Variants in ADARB1 observed in about 807,000 individuals in gnomAD.
The protein encoded by ADARB1 is double-stranded RNA-specific editase 1.
ADARB1 carries 10 observed loss-of-function variants against 52.4 expected under a neutral mutation model. The ratio of observed to expected loss-of-function variants is 0.19; its 90% CI spans 0.12 to 0.32. The LOEUF (loss-of-function observed/expected upper bound fraction) is 0.32. ADARB1 is among the 10% of genes least tolerant of loss of function. The probability of loss-of-function intolerance (pLI) is 1.00; values close to 1 mark genes in which losing one functional copy is unlikely to be tolerated. For synonymous variants in ADARB1, 349 were observed against 371.1 expected (o/e 0.94, Z 0.68); for missense variants, 643 against 922.3 (o/e 0.70, Z 3.92).
At chr21:45,214,691 A>G (rs544492517) in intron 9 of ADARB1, among the ~76,000 whole-genome samples, 1 of 152,176 alleles carries the variant, frequency 6.6e-6, no homozygotes, top group Non-Finnish European at 1.5e-5. Context: ...TGGCATGTAT[A>G]TATACATGTG....
intron 9 of ADARB1, among the ~76,000 whole-genome samples, chr21:45,206,735 A>G (rs1293412233): frequency 6.6e-6 from 1 of 151,796 alleles, no homozygotes; most frequent in Non-Finnish European, 1.5e-5. Context: ...CACCACAGCC[A>G]GCTAATTTTT....
At position 45,223,349 on chromosome 21, in the gene ADARB1, G is replaced by A; in HGVS notation, c.*1152G>A. 5.1e-6 allele frequency: 5 copies of A among 985,534 alleles called. 1 individual carries two copies. Among genetic ancestry groups the A allele is most frequent in the Non-Finnish European group, 6.0e-6 (5 of 829,984 alleles). The allele number at this position is 985,534 out of a possible 1,614,324, so 61.0% of individuals were successfully genotyped here. On this transcript the variant is annotated 3_prime_UTR_variant, in exon 11 of 11. Coordinates refer to ENST00000348831, the MANE Select transcript of ADARB1 (RefSeq NM_001112.4). ...CCAGACATTGACAGTCCTGACGGGA[G>A]CTCAGGGCTGCCCAGCGCCCAGCGT... is the stretch of plus-strand genomic sequence containing the variant.
At chr21:45,075,105 C>T (rs1457384415) in intron 1 of ADARB1, among the ~76,000 whole-genome samples, 48 of 150,846 alleles carry the variant, frequency 3.2e-4, no homozygotes, top group Admixed American at 4.6e-4. Flanking sequence ...GCAGGTGCGC[C>T]GGGACGAGGC....
chr21:45,101,372 C>T (rs2087008178), intron 1 of ADARB1, among the ~76,000 whole-genome samples: 1 of 152,252 alleles, frequency 6.6e-6, no homozygotes, highest in Admixed American at 6.5e-5. Context: ...TGCCCGCTGC[C>T]AGTCGCCGAG....
intron 2 of ADARB1, 134 bp from the exon 3 acceptor site, chr21:45,171,473 TAAC>T: frequency 1.6e-6 from 1 of 624,474 alleles, no homozygotes; most frequent in East Asian, 3.0e-5. Context: ...CTGACTTCTC[TAAC>T]AAGACCTAGT....
chr21:45,169,180 G>A (rs534555175), intron 2 of ADARB1, among the ~76,000 whole-genome samples: 7 of 152,336 alleles, frequency 4.6e-5, no homozygotes, highest in East Asian at 3.9e-4. Flanking sequence ...GCACTGTGGC[G>A]TGGGAAGGGA....
chr21:45,114,599 G>C (rs912666677), intron 1 of ADARB1, among the ~76,000 whole-genome samples: 1 of 152,212 alleles, frequency 6.6e-6, no homozygotes, highest in Non-Finnish European at 1.5e-5. Context: ...TTGCTTAAGA[G>C]CTTATCTGGC....
intron 2 of ADARB1, among the ~76,000 whole-genome samples, chr21:45,170,647 T>G (rs2091443764): frequency 6.6e-6 from 1 of 151,960 alleles, no homozygotes; most frequent in Admixed American, 6.6e-5. Context: ...TTTAGTACAT[T>G]TTAGTCACCA....
intron 3 of ADARB1, among the ~76,000 whole-genome samples, chr21:45,174,397 C>G (rs912231173): frequency 4.6e-5 from 7 of 152,128 alleles, no homozygotes; most frequent in Non-Finnish European, 7.3e-5. Context: ...ACTTTATACT[C>G]CTCTTTTTAA....
At chr21:45,122,170 C>A (rs965660183) in intron 1 of ADARB1, among the ~76,000 whole-genome samples, 19 of 152,184 alleles carry the variant, frequency 1.2e-4, no homozygotes, top group African/African-American at 4.1e-4. Context: ...ATAGTCTTGG[C>A]TTTATGCGAG....
Position 45,172,401 on chromosome 21 carries a change from C to T in ADARB1, c.28+717C>T, listed in dbSNP as rs1327159855. Among the ~76,000 whole-genome samples, 1 of 152,124 alleles carries T rather than the reference C, an allele frequency of 6.6e-6. No individual in the cohort carries two copies. Among genetic ancestry groups the T allele is most frequent in the African/African-American group, 2.4e-5 (1 of 41,412 alleles). ...AACTAATATAAATATCTGTATTTAC[C>T]TTCTTACTTGTCTGAAGGAATAACA... On this transcript the variant is annotated intron_variant, in intron 3 of 10. Coordinates refer to ENST00000348831, the MANE Select transcript of ADARB1 (RefSeq NM_001112.4). The surrounding 1 kb of genome is among the most constrained non-coding windows in gnomAD (Gnocchi z 4.4).
chr21:45,139,330 G>T (rs907046356), intron 2 of ADARB1, among the ~76,000 whole-genome samples: 6 of 152,218 alleles, frequency 3.9e-5, no homozygotes, highest in African/African-American at 1.4e-4. Context: ...GACGATTGCT[G>T]AAAGTCATGC....
chr21:45,080,318 A>G (rs1212814467), intron 1 of ADARB1, among the ~76,000 whole-genome samples: 1 of 152,220 alleles, frequency 6.6e-6, no homozygotes, highest in Non-Finnish European at 1.5e-5. Context: ...ATGATCCAGT[A>G]GAGGGAAACA....
rs2091611005 is a variant in ADARB1 at position 45,174,524 on chromosome 21, GA to G, written c.29-1203del. 1.5e-4 allele frequency among the ~76,000 whole-genome samples: 23 copies of G among 152,248 alleles called. No individual in the cohort carries two copies. The South Asian group carries it at 4.8e-3, about 32-fold the overall frequency. Reference sequence around the variant, plus strand: ...TCCAGACCAGCCTGACCAATGTGATGAAACCCCGTCTCTACTAAAAATACAA... The same window carrying G: ...TCCAGACCAGCCTGACCAATGTGATGAACCCCGTCTCTACTAAAAATACAA... On this transcript the variant is annotated intron_variant, in intron 3 of 10. Coordinates refer to ENST00000348831, the MANE Select transcript of ADARB1 (RefSeq NM_001112.4).
Position 45,172,261 on chromosome 21 carries a change from G to A in ADARB1, c.28+577G>A, listed in dbSNP as rs981661472. Among the ~76,000 whole-genome samples, 4 of 152,124 alleles carry A rather than the reference G, an allele frequency of 2.6e-5. No individual in the cohort carries two copies. Among genetic ancestry groups the A allele is most frequent in the Admixed American group, 6.5e-5 (1 of 15,270 alleles). ...GGCCGCTGGGGTACGTTGGTGTTTC[G>A]GTGAAGGTACTTATCTCTTCTAGTT... is the stretch of plus-strand genomic sequence containing the variant. On this transcript the variant is annotated intron_variant, in intron 3 of 10. Transcript: ENST00000348831. This position sits in a 1 kb window ranked among gnomAD's most constrained non-coding sequence, Gnocchi z 4.4.
At chr21:45,084,584 GAGC>G (rs1378333306) in intron 1 of ADARB1, among the ~76,000 whole-genome samples, 2 of 152,328 alleles carry the variant, frequency 1.3e-5, no homozygotes, top group East Asian at 3.9e-4. Flanking sequence ...GAATTAAATT[GAGC>G]AGGGGTTGTT....
chr21:45,144,693 T>C, intron 2 of ADARB1: 1 of 449,344 alleles, frequency 2.2e-6, no homozygotes, highest in Non-Finnish European at 4.5e-6. Context: ...GGGCATTGCT[T>C]CAACTCTGGT....
At chr21:45,136,524 G>A (rs546049084) in intron 2 of ADARB1, among the ~76,000 whole-genome samples, 1 of 152,352 alleles carries the variant, frequency 6.6e-6, no homozygotes, top group African/African-American at 2.4e-5. Context: ...CTGTAGCAGC[G>A]CTCAAGAGAG....
At position 45,220,583 on chromosome 21, in the gene ADARB1, C is replaced by T. The variant is rs1326463208; in HGVS notation, c.1748-253C>T. On this transcript the variant is annotated intron_variant, in intron 9 of 10. Coordinates refer to ENST00000348831, the MANE Select transcript of ADARB1 (RefSeq NM_001112.4). The surrounding 1 kb of genome is among the most constrained non-coding windows in gnomAD (Gnocchi z 6.3). Reference sequence around the variant, plus strand: ...TTCTGTCAATCTTCTGCCCACCTGCCCTGTCAGACAAGTGCATACCCGTGG... The same window carrying T: ...TTCTGTCAATCTTCTGCCCACCTGCTCTGTCAGACAAGTGCATACCCGTGG... 6.6e-6 allele frequency among the ~76,000 whole-genome samples: 1 copy of T among 152,202 alleles called. No individual in the cohort carries two copies. Among genetic ancestry groups the T allele is most frequent in the African/African-American group, 2.4e-5 (1 of 41,454 alleles).
Sources: allele counts gnomAD v4.1 joint callset (sites outside exome capture counted in the v4.1 genomes callset), GRCh38; gene constraint gnomAD v4.1.1; non-coding constraint Gnocchi (gnomAD v3.1); transcripts MANE v1.5; gene names NCBI Gene and HGNC (gene_info 2026-07-23, HGNC 2026-07-21).